NYAP1: variants seen among roughly 807,000 people sequenced by gnomAD.
NYAP1 encodes the protein neuronal tyrosine-phosphorylated phosphoinositide-3-kinase adapter 1.
In NYAP1, 20 loss-of-function variants were observed where a neutral mutation model predicts 58.6. The ratio of observed to expected loss-of-function variants is 0.34; its 90% CI spans 0.24 to 0.50. NYAP1 has a LOEUF of 0.50. NYAP1 is among the 20% of genes least tolerant of loss of function. The probability of loss-of-function intolerance (pLI) is 0.98; values close to 1 mark genes in which losing one functional copy is unlikely to be tolerated. For missense variants in NYAP1, 1,150 were observed against 1,194.5 expected (o/e 0.96, Z 0.55); for synonymous variants, 572 against 523.1 (o/e 1.09, Z -1.27).
chr7:100,488,423 G>C lies in NYAP1; in HGVS notation c.702G>C (p.Leu234=), dbSNP rs1799735741. 1 of 1,601,362 alleles carries C rather than the reference G, an allele frequency of 6.2e-7. No individual in the cohort carries two copies. Among genetic ancestry groups the C allele is most frequent in the Non-Finnish European group, 8.5e-7 (1 of 1,174,554 alleles). The change falls in exon 4 of 7, where the codon CTG becomes CTC. Residue 234 remains leucine (L), a synonymous_variant. Transcript: ENST00000300179. This position sits in a 1 kb window ranked among gnomAD's most constrained non-coding sequence, Gnocchi z 5.9. Reference sequence around the variant, plus strand: ...GAGGAGGACGAAGTGGAGGAGGCCTGGCTGGGCCCCCTCTTGGGGGTGGGG... The same window carrying C: ...GAGGAGGACGAAGTGGAGGAGGCCTCGCTGGGCCCCCTCTTGGGGGTGGGG... ...FRGGGRSGGG[L]AGPPLGGGGP...
chr7:100,491,217 T>C (rs1799792388), intron 6 of NYAP1, 122 bp downstream of exon 6: 1 of 648,516 alleles, frequency 1.5e-6, no homozygotes, highest in African/African-American at 1.9e-5. Flanking sequence ...CCCAGCACTT[T>C]GGGAGGCCAA....
Position 100,489,581 on chromosome 7 carries a change from G to A in NYAP1, c.1860G>A (p.Glu620=), listed in dbSNP as rs1228870533. 5 of 1,612,888 alleles carry A rather than the reference G, an allele frequency of 3.1e-6. No individual in the cohort carries two copies. Among genetic ancestry groups the A allele is most frequent in the Admixed American group, 1.7e-5 (1 of 59,982 alleles). ...ASAGTPEEEE[E]EVGAATFGAG... is the part of the protein sequence containing the mutation. ...CAGGGACACCAGAGGAGGAAGAAGA[G>A]GAGGTGGGCGCCGCGACATTTGGGG... Residue 620 remains glutamate, a synonymous_variant, in exon 4 of 7, where the codon GAG becomes GAA. Coordinates refer to ENST00000300179, the MANE Select transcript of NYAP1 (RefSeq NM_173564.4).
intron 1 of NYAP1, among the ~76,000 whole-genome samples, chr7:100,484,972 G>C (rs1353948491): frequency 6.6e-6 from 1 of 152,060 alleles, no homozygotes; most frequent in Non-Finnish European, 1.5e-5. Context: ...TGGTGGATCG[G>C]GATGTCTTTA....
In NYAP1 at chr7:100,487,010, C is replaced by T. The variant is rs536687679; in HGVS notation, c.258C>T (p.His86=). The change falls in exon 3 of 7, where the codon CAC becomes CAT. Residue 86 remains histidine, a synonymous_variant. Coordinates refer to ENST00000300179, the MANE Select transcript of NYAP1 (RefSeq NM_173564.4). This position sits in a 1 kb window ranked among gnomAD's most constrained non-coding sequence, Gnocchi z 4.1. ...SAMAPRSLSC[H]SVGSMDSVGG... Reference sequence around the variant, plus strand: ...TGGCCCCACGCTCCCTCTCCTGCCACTCGGTGGGCAGCATGGACAGTGTCG... The same window carrying T: ...TGGCCCCACGCTCCCTCTCCTGCCATTCGGTGGGCAGCATGGACAGTGTCG... 1 of 1,609,624 alleles carries T rather than the reference C, an allele frequency of 6.2e-7. No individual in the cohort carries two copies. Among genetic ancestry groups the T allele is most frequent in the Admixed American group, 1.7e-5 (1 of 59,636 alleles).
Position 100,486,763 on chromosome 7 carries a change from AG to A in NYAP1, c.69-53del. ...TTGCTGACACCTCTTGGGGTGGAGA[AG>A]GGGGATGCCCAGGTCCGAGGCCCTT... On this transcript the variant is annotated intron_variant, in intron 2 of 6. Transcript: ENST00000300179. This position sits in a 1 kb window ranked among gnomAD's most constrained non-coding sequence, Gnocchi z 6.2. 1 of 1,409,708 alleles carries A rather than the reference AG, an allele frequency of 7.1e-7. No individual in the cohort carries two copies. Among genetic ancestry groups the A allele is most frequent in the Non-Finnish European group, 9.2e-7 (1 of 1,086,916 alleles). The allele number at this position is 1,409,708 out of a possible 1,614,324, so 87.3% of individuals were successfully genotyped here. A position where few individuals can be genotyped will look rare whatever the true frequency, so the allele number is the denominator to read the frequency against.
chr7:100,490,770 TG>T lies in NYAP1; in HGVS notation c.2158+46del. On this transcript the variant is annotated intron_variant, in intron 5 of 6. Coordinates refer to ENST00000300179, the MANE Select transcript of NYAP1 (RefSeq NM_173564.4). This position sits in a 1 kb window ranked among gnomAD's most constrained non-coding sequence, Gnocchi z 4.6. ...CACACCTGTGCACAGCGGGGCTGGCTGGGGGATCTCCCGGGGTCTAGCTGCA... is the reference window on the plus strand; with the variant it reads ...CACACCTGTGCACAGCGGGGCTGGCTGGGGATCTCCCGGGGTCTAGCTGCA... The T allele has an allele frequency of 2.8e-6, 4 of 1,454,090 alleles. No individual in the cohort carries two copies. Among genetic ancestry groups the T allele is most frequent in the Non-Finnish European group, 3.7e-6 (4 of 1,094,646 alleles). 90.1% of individuals were successfully genotyped at this position (1,454,090 alleles called of 1,614,324 possible). A position where few individuals can be genotyped will look rare whatever the true frequency, so the allele number is the denominator to read the frequency against.
In NYAP1 at chr7:100,488,447, G is replaced by C; in HGVS notation, c.726G>C (p.Gly242=). ...TGGCTGGGCCCCCTCTTGGGGGTGG[G>C]GGCCCGACCCCTCCAGCGGGCGCCG... ...GGLAGPPLGG[G]GPTPPAGADS... is the part of the protein sequence containing the mutation. The change falls in exon 4 of 7, where the codon GGG becomes GGC. Residue 242 remains glycine (G), a synonymous_variant. Coordinates refer to ENST00000300179, the MANE Select transcript of NYAP1 (RefSeq NM_173564.4). This position sits in a 1 kb window ranked among gnomAD's most constrained non-coding sequence, Gnocchi z 5.9. The C allele has an allele frequency of 6.2e-7, 1 of 1,606,282 alleles. No individual in the cohort carries two copies. Among genetic ancestry groups the C allele is most frequent in the Non-Finnish European group, 8.5e-7 (1 of 1,176,894 alleles).
Position 100,490,899 on chromosome 7 carries a change from C to G in NYAP1, c.2159-87C>G. On this transcript the variant is annotated intron_variant, in intron 5 of 6. Transcript: ENST00000300179. The surrounding 1 kb of genome is among the most constrained non-coding windows in gnomAD (Gnocchi z 4.6). ...TCCCTTCTGATGAGGCAGGGGCAGC[C>G]TGGACCATTCAAGGGCAGGGGACTG... The G allele has an allele frequency of 1.8e-6, 2 of 1,098,804 alleles. No individual in the cohort carries two copies. Among genetic ancestry groups the G allele is most frequent in the Non-Finnish European group, 2.6e-6 (2 of 764,482 alleles). 68.1% of individuals were successfully genotyped at this position (1,098,804 alleles called of 1,614,324 possible). A position where few individuals can be genotyped will look rare whatever the true frequency, so the allele number is the denominator to read the frequency against.
At chr7:100,489,821 G>A (rs1331569893) in intron 4 of NYAP1, among the ~76,000 whole-genome samples, 155 bp downstream of exon 4, 7 of 152,088 alleles carry the variant, frequency 4.6e-5, no homozygotes, top group Admixed American at 1.3e-4. Flanking sequence ...GGGGGTGGGC[G>A]ATAGACAGAA....
chr7:100,488,469 G>A lies in NYAP1; in HGVS notation c.748G>A (p.Ala250Thr), dbSNP rs753994861. The stretch of plus-strand genomic sequence containing the variant: ...TGGGGGCCCGACCCCTCCAGCGGGC[G>A]CCGACTCGGACTCTGAAGAGAGTGA... The part of the protein sequence containing the change: ...GGGGPTPPAG[A>T]DSDSEESEAI... Residue 250 changes from alanine to threonine, a missense_variant, in exon 4 of 7, where the codon GCC (alanine) becomes ACC (threonine). Ala to Thr is a moderately conservative substitution (Grantham distance 58, BLOSUM62 0). Coordinates refer to ENST00000300179, the MANE Select transcript of NYAP1 (RefSeq NM_173564.4). The surrounding 1 kb of genome is among the most constrained non-coding windows in gnomAD (Gnocchi z 5.9). 36 of 1,611,060 alleles carry A rather than the reference G, an allele frequency of 2.2e-5. No individual in the cohort carries two copies. The highest frequency in any genetic ancestry group is 2.0e-4 in the African/African-American group (15 of 74,820).
At position 100,485,129 on chromosome 7, in the gene NYAP1, G is replaced by A. The variant is rs752889227; in HGVS notation, c.-84-99G>A. 16 of 592,742 alleles carry A rather than the reference G, an allele frequency of 2.7e-5. No homozygotes were observed. The highest frequency in any genetic ancestry group is 1.9e-4 in the African/African-American group (10 of 53,456). The allele number at this position is 592,742 out of a possible 1,614,324, so 36.7% of individuals were successfully genotyped here. A position where few individuals can be genotyped will look rare whatever the true frequency, so the allele number is the denominator to read the frequency against. On this transcript the variant is annotated intron_variant, in intron 1 of 6. Transcript: ENST00000300179. This position sits in a 1 kb window ranked among gnomAD's most constrained non-coding sequence, Gnocchi z 5.7. ...TCTGTGTTTTCCTCTCTGAGGACCCGAGTCATGTCTCTTCTCCGTTTTCTC... is the reference window on the plus strand; with the variant it reads ...TCTGTGTTTTCCTCTCTGAGGACCCAAGTCATGTCTCTTCTCCGTTTTCTC...
chr7:100,487,736 GC>G lies in NYAP1; in HGVS notation c.431-414del. ...CAGGCTGACAAGGCCAGGCTTGCTG[GC>G]CTCAGGTGATCCACCCACCTCGGCC... On this transcript the variant is annotated intron_variant, in intron 3 of 6. Transcript: ENST00000300179. This position sits in a 1 kb window ranked among gnomAD's most constrained non-coding sequence, Gnocchi z 4.1. Among the ~76,000 whole-genome samples the G allele has an allele frequency of 6.6e-6, 1 of 152,322 alleles. No individual in the cohort carries two copies. The highest frequency in any genetic ancestry group is 1.9e-4 in the East Asian group (1 of 5,178).
Position 100,488,829 on chromosome 7 carries a change from AC to A in NYAP1, c.1112del (p.Pro371GlnfsTer60). Reference protein sequence around the residue: ...LCHSKEPAGSTPAPQVPARER... With the variant: ...LCHSKEPAGSXPAPQVPARER... The stretch of plus-strand genomic sequence containing the variant: ...CCACTCCAAGGAGCCAGCCGGCTCC[AC>A]CCCAGCTCCCCAAGTGCCTGCACGG... On this transcript the variant is annotated frameshift_variant, in exon 4 of 7. Coordinates refer to ENST00000300179, the MANE Select transcript of NYAP1 (RefSeq NM_173564.4). LOFTEE classifies it high-confidence loss of function. The surrounding 1 kb of genome is among the most constrained non-coding windows in gnomAD (Gnocchi z 5.9). 6.3e-7 allele frequency: 1 copy of A among 1,575,148 alleles called. No homozygotes were observed. The highest frequency in any genetic ancestry group is 8.6e-7 in the Non-Finnish European group (1 of 1,163,074).
intron 6 of NYAP1, 93 bp downstream of exon 6, chr7:100,491,188 A>G: frequency 1.2e-6 from 1 of 829,396 alleles, no homozygotes; most frequent in Non-Finnish European, 1.9e-6. Flanking sequence ...GGCTGGGCAC[A>G]GTGGCTCATG....
In NYAP1 at chr7:100,489,167, T is replaced by C; in HGVS notation, c.1446T>C (p.Gly482=). 1 of 1,610,634 alleles carries C rather than the reference T, an allele frequency of 6.2e-7. No homozygotes were observed. The highest frequency in any genetic ancestry group is 8.5e-7 in the Non-Finnish European group (1 of 1,179,000). ...HSVLPAGPPL[G]AGEPKTEKEI... Reference sequence around the variant, plus strand: ...TCCTGCCAGCTGGTCCACCCCTGGGTGCTGGGGAGCCAAAGACGGAGAAGG... The same window carrying C: ...TCCTGCCAGCTGGTCCACCCCTGGGCGCTGGGGAGCCAAAGACGGAGAAGG... The change falls in exon 4 of 7, where the codon GGT becomes GGC. Residue 482 remains glycine, a synonymous_variant. Transcript: ENST00000300179.
At chr7:100,491,213 A>T in intron 6 of NYAP1, 118 bp downstream of exon 6, 1 of 671,998 alleles carries the variant, frequency 1.5e-6, no homozygotes, top group Non-Finnish European at 2.5e-6. Flanking sequence ...TAATCCCAGC[A>T]CTTTGGGAGG....
In NYAP1 at chr7:100,493,512, G is replaced by A. The variant is rs1019082881; in HGVS notation, c.2269-134G>A. ...TGGGCCCCACAGCCAGAGGGAGCCA[G>A]CAGAGGCCGTTGGGGGGCAAGCAAG... On this transcript the variant is annotated intron_variant, in intron 6 of 6. Transcript: ENST00000300179. 6.0e-6 allele frequency: 5 copies of A among 832,530 alleles called. No individual in the cohort carries two copies. The African/African-American group carries it at 8.9e-5, about 15-fold the overall frequency. The allele number at this position is 832,530 out of a possible 1,614,324, so 51.6% of individuals were successfully genotyped here. A position where few individuals can be genotyped will look rare whatever the true frequency, so the allele number is the denominator to read the frequency against.
chr7:100,490,529 G>A lies in NYAP1; in HGVS notation c.1958G>A (p.Gly653Asp). Residue 653 changes from glycine (G) to aspartate (D), a missense_variant, in exon 5 of 7, where the codon GGT becomes GAT. Transcript: ENST00000300179. The surrounding 1 kb of genome is among the most constrained non-coding windows in gnomAD (Gnocchi z 4.6). ...GTCATCCCAGCAGAGGTCGAGGACG[G>A]TGCCCGGGCCTGGAATGGCAGTGCC... ...KAKELDKVED[G>D]ARAWNGSAEG... The A allele has an allele frequency of 6.3e-7, 1 of 1,584,956 alleles. No homozygotes were observed. Among genetic ancestry groups the A allele is most frequent in the Non-Finnish European group, 8.6e-7 (1 of 1,165,818 alleles).
At position 100,490,301 on chromosome 7, in the gene NYAP1, C is replaced by T. The variant is rs1276750148; in HGVS notation, c.1946-216C>T. On this transcript the variant is annotated intron_variant, in intron 4 of 6. Transcript: ENST00000300179. This position sits in a 1 kb window ranked among gnomAD's most constrained non-coding sequence, Gnocchi z 4.6. ...TTGGATGCAGCACATAGACATGATT[C>T]TCAGCCCCAAGAGATGGTACCAATG... is the stretch of plus-strand genomic sequence containing the variant. Among the ~76,000 whole-genome samples, 1 of 152,100 alleles carries T rather than the reference C, an allele frequency of 6.6e-6. No individual in the cohort carries two copies. Among genetic ancestry groups the T allele is most frequent in the Non-Finnish European group, 1.5e-5 (1 of 68,014 alleles).
Sources: gnomAD v4.1 joint callset for allele counts (sites outside exome capture counted in the v4.1 genomes callset) on GRCh38, gnomAD v4.1.1 for gene constraint, Gnocchi (gnomAD v3.1) non-coding constraint, MANE v1.5 for transcripts, NCBI Gene and HGNC (gene_info 2026-07-23, HGNC 2026-07-21) for gene names.